The following UBXN2A variants were observed in gnomAD, a reference collection of about 807,000 sequenced individuals.
UBXN2A encodes the protein UBX domain protein 2A, also known as UBX domain-containing protein 2A.
UBXN2A carries 28 observed loss-of-function variants against 28.4 expected under a neutral mutation model. The ratio of observed to expected loss-of-function variants is 0.99; its 90% CI spans 0.73 to 1.35. The LOEUF (loss-of-function observed/expected upper bound fraction) is 1.35. Among genes scored for constraint, UBXN2A ranks in the 40% most tolerant of loss-of-function variants. The pLI is 0.00. For synonymous variants in UBXN2A, 97 were observed against 103.6 expected, an observed-to-expected ratio of 0.94 and a Z score of 0.39; for missense variants, 253 against 297.9, an observed-to-expected ratio of 0.85 and a Z score of 1.11.
chr2:23,965,342 A>C (rs1267864710), intron 2 of UBXN2A, among the ~76,000 whole-genome samples: 1 of 152,220 alleles, frequency 6.6e-6, no homozygotes, highest in Admixed American at 6.5e-5. Flanking sequence ...ATATGATGTT[A>C]GATGTAGGCT....
chr2:23,985,736 C>G (rs1252419305), intron 6 of UBXN2A, among the ~76,000 whole-genome samples: 1 of 152,152 alleles, frequency 6.6e-6, no homozygotes, highest in African/African-American at 2.4e-5. Flanking sequence ...TGGCCCATGC[C>G]TGTAATCCCA....
At chr2:23,934,461 C>T (rs1448264312) in intron 1 of UBXN2A, among the ~76,000 whole-genome samples, 3 of 152,130 alleles carry the variant, frequency 2.0e-5, no homozygotes, top group Non-Finnish European at 2.9e-5. Flanking sequence ...AGGAAATGCT[C>T]AAAGATGCTC....
chr2:23,999,994 C>G lies in UBXN2A; in HGVS notation c.*127C>G, dbSNP rs1385312054. ...GGTTCGAGTACTATTGAACTCTCTC[C>G]TGATGAGAAGATGTTTAGATAAGTA... On this transcript the variant is annotated 3_prime_UTR_variant, in exon 7 of 7. Coordinates refer to ENST00000309033, the MANE Select transcript of UBXN2A (RefSeq NM_181713.4). The G allele has an allele frequency of 1.8e-5, 15 of 831,112 alleles. No homozygotes were observed. Among genetic ancestry groups the G allele is most frequent in the Non-Finnish European group, 2.8e-5 (15 of 534,394 alleles). The allele number at this position is 831,112 out of a possible 1,614,324, so 51.5% of individuals were successfully genotyped here. A position where few individuals can be genotyped will look rare whatever the true frequency, so the allele number is the denominator to read the frequency against.
intron 5 of UBXN2A, among the ~76,000 whole-genome samples, chr2:23,984,271 T>A (rs1708034419): frequency 1.3e-5 from 2 of 152,198 alleles, no homozygotes; most frequent in Admixed American, 1.3e-4. Flanking sequence ...CAGGAAGTAC[T>A]TTATTTAGTT....
At chr2:23,978,504 T>G (rs1257505061) in intron 4 of UBXN2A, among the ~76,000 whole-genome samples, 1 of 151,438 alleles carries the variant, frequency 6.6e-6, no homozygotes, top group Non-Finnish European at 1.5e-5. Context: ...ATTAGCCAGG[T>G]GTGGTGGCGG....
chr2:23,988,666 T>C (rs1421764995), intron 6 of UBXN2A, among the ~76,000 whole-genome samples: 1 of 152,196 alleles, frequency 6.6e-6, no homozygotes, highest in African/African-American at 2.4e-5. Context: ...GTAAAGTTAC[T>C]CATTTTCCCT....
chr2:23,960,976 T>G (rs1706877088), intron 2 of UBXN2A, among the ~76,000 whole-genome samples: 3 of 152,126 alleles, frequency 2.0e-5, no homozygotes, highest in Non-Finnish European at 1.5e-5. Flanking sequence ...TCTGGACATT[T>G]CATATAAATG....
In UBXN2A at chr2:24,004,486, T is replaced by C. The variant is rs997231375; in HGVS notation, c.*4619T>C. 2 of 152,210 alleles carry C rather than the reference T, an allele frequency of 1.3e-5. No homozygotes were observed. Among genetic ancestry groups the C allele is most frequent in the Admixed American group, 6.6e-5 (1 of 15,266 alleles). The allele number at this position is 152,210 out of a possible 1,614,324, so 9.4% of individuals were successfully genotyped here. A position where few individuals can be genotyped will look rare whatever the true frequency, so the allele number is the denominator to read the frequency against. On this transcript the variant is annotated 3_prime_UTR_variant, in exon 7 of 7. Transcript: ENST00000309033. ...CTGGTCAACATGGGGAAACCCCGTC[T>C]ATACTAAAAATACAAAAATTAGCTG...
chr2:23,993,992 CT>C (rs1210430742), intron 6 of UBXN2A, among the ~76,000 whole-genome samples: 1 of 152,086 alleles, frequency 6.6e-6, no homozygotes, highest in Non-Finnish European at 1.5e-5. Flanking sequence ...CCTTTAGTAT[CT>C]CTTTAATTGC....
At chr2:23,954,680 C>T (rs576066326) in intron 1 of UBXN2A, among the ~76,000 whole-genome samples, 38 of 150,974 alleles carry the variant, frequency 2.5e-4, no homozygotes, top group East Asian at 1.4e-3. Context: ...CATCTTTTCA[C>T]GTGCTTATTG....
intron 1 of UBXN2A, among the ~76,000 whole-genome samples, chr2:23,952,915 AT>A (rs918922591): frequency 1.4e-5 from 2 of 143,788 alleles, no homozygotes; most frequent in African/African-American, 5.1e-5. Context: ...AAAGTCATTG[AT>A]TTTTTTTTCA....
intron 2 of UBXN2A, among the ~76,000 whole-genome samples, chr2:23,966,545 C>T (rs1258399876): frequency 1.3e-5 from 2 of 151,176 alleles, no homozygotes; most frequent in Admixed American, 6.6e-5. Flanking sequence ...CTCTGCCTCC[C>T]AGGTTCACGC....
At chr2:23,946,956 T>C (rs982497926) in intron 1 of UBXN2A, among the ~76,000 whole-genome samples, 7 of 150,848 alleles carry the variant, frequency 4.6e-5, no homozygotes, top group African/African-American at 1.7e-4. Context: ...GGCACAATTA[T>C]AGTTCACTGC....
chr2:23,998,461 T>G (rs1708623319), intron 6 of UBXN2A, among the ~76,000 whole-genome samples: 1 of 152,190 alleles, frequency 6.6e-6, no homozygotes, highest in Non-Finnish European at 1.5e-5. Context: ...GGCTCACACC[T>G]GTAATCCCAG....
intron 3 of UBXN2A, among the ~76,000 whole-genome samples, chr2:23,973,869 A>T (rs1000648674): frequency 2.0e-5 from 3 of 151,982 alleles, no homozygotes; most frequent in African/African-American, 2.4e-5. Flanking sequence ...TGACCTGGTG[A>T]TCCACCCACC....
intron 2 of UBXN2A, among the ~76,000 whole-genome samples, chr2:23,961,856 A>G (rs977096472): frequency 8.4e-5 from 10 of 119,546 alleles, no homozygotes; most frequent in African/African-American, 9.7e-5. Context: ...TTTTTTTTTT[A>G]TTTTTTGAGA....
At chr2:23,934,071 C>T (rs1017029000) in intron 1 of UBXN2A, among the ~76,000 whole-genome samples, 7 of 152,000 alleles carry the variant, frequency 4.6e-5, no homozygotes, top group African/African-American at 1.7e-4. Flanking sequence ...CAAAAATTAG[C>T]TGGGTGTGGT....
chr2:23,989,732 A>G (rs151025000), intron 6 of UBXN2A, among the ~76,000 whole-genome samples: 49 of 151,992 alleles, frequency 3.2e-4, no homozygotes, highest in African/African-American at 1.2e-3. Flanking sequence ...GTGAAACTCT[A>G]TCTCTACAAA....
At chr2:23,972,606 G>A (rs1274225434) in intron 3 of UBXN2A, among the ~76,000 whole-genome samples, 2 of 152,062 alleles carry the variant, frequency 1.3e-5, no homozygotes, top group African/African-American at 2.4e-5. Context: ...GGTGGATCAC[G>A]AGGTCAGGAG....
Sources: allele counts gnomAD v4.1 joint callset (sites outside exome capture counted in the v4.1 genomes callset), GRCh38; gene constraint gnomAD v4.1.1; transcripts MANE v1.5; gene names NCBI Gene and HGNC (gene_info 2026-07-23, HGNC 2026-07-21).